Variants in CFAP46 observed in about 807,000 individuals in gnomAD.
The protein encoded by CFAP46 is cilia- and flagella-associated protein 46.
In CFAP46, 245 loss-of-function variants were observed where a neutral mutation model predicts 325.7. The observed-to-expected ratio is 0.75, with a 90% confidence interval of 0.68 to 0.84. CFAP46 has a LOEUF of 0.84. Among genes scored for constraint, CFAP46 ranks in the 40% least tolerant of loss-of-function variants. CFAP46 has a pLI of 0.00. For missense variants in CFAP46, 3,346 were observed against 3,543.0 expected (o/e 0.94, Z 1.41); for synonymous variants, 1,523 against 1,495.9 (o/e 1.02, Z -0.42).
At position 132,929,437 on chromosome 10, in the gene CFAP46, G is replaced by A. The variant is rs547496534; in HGVS notation, c.966+268C>T. On this transcript the variant is annotated intron_variant, in intron 9 of 57. Coordinates refer to ENST00000368586, the MANE Select transcript of CFAP46 (RefSeq NM_001200049.3). ...CATCAGCATCATGAAATTTTACGCC[G>A]TCCGTAAATTGGACTCTAGAAACAA... is the stretch of plus-strand genomic sequence containing the variant. The A allele has an allele frequency of 3.5e-5, 25 of 706,048 alleles. 1 individual carries two copies. The highest frequency in any genetic ancestry group is 8.1e-5 in the Admixed American group (4 of 49,668). The allele number at this position is 706,048 out of a possible 1,614,324, so 43.7% of individuals were successfully genotyped here.
chr10:132,910,217 T>C (rs1303357658), intron 19 of CFAP46, 149 bp from the exon 20 acceptor site: 24 of 696,186 alleles, frequency 3.4e-5, no homozygotes, highest in Admixed American at 1.3e-4. Context: ...CACCAGCGGC[T>C]GCACCACAAA....
In CFAP46 at chr10:132,858,413, C is replaced by T. The variant is rs543593105; in HGVS notation, c.5376-625G>A. Reference sequence around the variant, plus strand: ...GGGTGGCCCCAGGTTGGAGGCAGGGCGGTGGGCGGGGCCAGGGAGGCTTTG... The same window carrying T: ...GGGTGGCCCCAGGTTGGAGGCAGGGTGGTGGGCGGGGCCAGGGAGGCTTTG... On this transcript the variant is annotated intron_variant, in intron 38 of 57. Transcript: ENST00000368586. 3.8e-3 allele frequency among the ~76,000 whole-genome samples: 387 copies of T among 102,542 alleles called. 2 individuals are homozygous for T. The highest frequency in any genetic ancestry group is 6.3e-3 in the Non-Finnish European group (320 of 50,604). 67.3% of individuals were successfully genotyped at this position (102,542 alleles called of 152,430 possible).
intron 7 of CFAP46, among the ~76,000 whole-genome samples, chr10:132,936,679 C>CACTCCCCTCGG (rs1850013407): frequency 6.6e-6 from 1 of 152,068 alleles, no homozygotes; most frequent in African/African-American, 2.4e-5. Context: ...ATGATCTCCT[C>CACTCCCCTCGG]CTACAGGCTC....
rs2135109043 is a variant in CFAP46 at position 132,847,379 on chromosome 10, G to A, written c.5953-58C>T. 6.3e-7 allele frequency: 1 copy of A among 1,599,776 alleles called. No homozygotes were observed. The highest frequency in any genetic ancestry group is 8.5e-7 in the Non-Finnish European group (1 of 1,171,042). On this transcript the variant is annotated intron_variant, in intron 41 of 57. Transcript: ENST00000368586. This position sits in a 1 kb window ranked among gnomAD's most constrained non-coding sequence, Gnocchi z 5.2. Reference sequence around the variant, plus strand: ...CTGGGTTCCTGCTTGGTCGGCGTGGGGAGGGCCCACCCAGGGAGGCCGGGG... The same window carrying A: ...CTGGGTTCCTGCTTGGTCGGCGTGGAGAGGGCCCACCCAGGGAGGCCGGGG...
At chr10:132,810,331 T>G in intron 57 of CFAP46, 78 bp downstream of exon 57, 1 of 1,189,592 alleles carries the variant, frequency 8.4e-7, no homozygotes, top group Non-Finnish European at 1.3e-6. Flanking sequence ...CCTGCAGGGC[T>G]GTGCAGTGCA....
chr10:132,937,869 G>A (rs1850033621), intron 5 of CFAP46, among the ~76,000 whole-genome samples, 194 bp from the exon 6 acceptor site: 2 of 152,204 alleles, frequency 1.3e-5, no homozygotes, highest in South Asian at 2.1e-4. Context: ...GCTCGTTACC[G>A]CTAGCACCGG....
At chr10:132,834,822 G>A (rs775645358) in intron 47 of CFAP46, 47 bp from the exon 48 acceptor site, 43 of 1,585,480 alleles carry the variant, frequency 2.7e-5, no homozygotes, top group Non-Finnish European at 3.6e-5. Flanking sequence ...AGGGCGCATG[G>A]CCCAGACCCC....
chr10:132,814,550 G>A (rs1225528613), intron 53 of CFAP46, 27 bp downstream of exon 53: 2 of 1,553,150 alleles, frequency 1.3e-6, no homozygotes, highest in Non-Finnish European at 1.7e-6. Flanking sequence ...GCGTGTGCCT[G>A]AACAGGGAGC....
intron 23 of CFAP46, 95 bp from the exon 24 acceptor site, chr10:132,899,216 A>G (rs962036228): frequency 8.2e-6 from 11 of 1,338,766 alleles, no homozygotes; most frequent in Non-Finnish European, 1.1e-5. Context: ...CCCAGGGCCC[A>G]GCCACACGCT....
In CFAP46 at chr10:132,892,332, C is replaced by T. The variant is rs748891572; in HGVS notation, c.3304+1G>A. 2 of 1,550,736 alleles carry T rather than the reference C, an allele frequency of 1.3e-6. No homozygotes were observed. Among genetic ancestry groups the T allele is most frequent in the Non-Finnish European group, 1.7e-6 (2 of 1,147,048 alleles). ...GTGGGTCTGTCTGTCCTGCTACAAA[C>T]CTGGAAGAAAATATCCTTCGGTCGT... On this transcript the variant is annotated splice_donor_variant, in intron 25 of 57. Coordinates refer to ENST00000368586, the MANE Select transcript of CFAP46 (RefSeq NM_001200049.3). LOFTEE classifies it high-confidence loss of function.
At position 132,919,621 on chromosome 10, in the gene CFAP46, C is replaced by T. The variant is rs1849690774; in HGVS notation, c.1731-179G>A. On this transcript the variant is annotated intron_variant, in intron 14 of 57. Transcript: ENST00000368586. This position sits in a 1 kb window ranked among gnomAD's most constrained non-coding sequence, Gnocchi z 9.7. The stretch of plus-strand genomic sequence containing the variant: ...GGCGGGTGCATGTCCCAGGGTCGGG[C>T]GCAGCTCTCCGCTCTCCCTGCCAGC... 1.3e-5 allele frequency among the ~76,000 whole-genome samples: 2 copies of T among 152,036 alleles called. No individual in the cohort carries two copies. Among genetic ancestry groups the T allele is most frequent in the Non-Finnish European group, 2.9e-5 (2 of 67,972 alleles).
intron 22 of CFAP46, among the ~76,000 whole-genome samples, chr10:132,905,170 C>G (rs1238753058): frequency 6.6e-6 from 1 of 151,554 alleles, no homozygotes; most frequent in African/African-American, 2.4e-5. Context: ...CTTTCTTTGT[C>G]AACAAGTTAA....
rs1253617404 is a variant in CFAP46 at position 132,832,388 on chromosome 10, G to A, written c.7117+970C>T. ...TTGCGGAGACCCCTGGGCTCTTCCT[G>A]CCCCCCCCCCCCAATGCTGTGGCCT... is the stretch of plus-strand genomic sequence containing the variant. On this transcript the variant is annotated intron_variant, in intron 50 of 57. Transcript: ENST00000368586. The surrounding 1 kb of genome is among the most constrained non-coding windows in gnomAD (Gnocchi z 4.1). Among the ~76,000 whole-genome samples the A allele has an allele frequency of 2.8e-5, 3 of 106,046 alleles. No homozygotes were observed. The highest frequency in any genetic ancestry group is 9.6e-5 in the Admixed American group (1 of 10,444). 69.6% of individuals were successfully genotyped at this position (106,046 alleles called of 152,430 possible). A position where few individuals can be genotyped will look rare whatever the true frequency, so the allele number is the denominator to read the frequency against.
In CFAP46 at chr10:132,879,633, T is replaced by A; in HGVS notation, c.3800-2A>T. The A allele has an allele frequency of 6.6e-7, 1 of 1,513,704 alleles. No homozygotes were observed. The highest frequency in any genetic ancestry group is 8.8e-7 in the Non-Finnish European group (1 of 1,130,330). 93.8% of individuals were successfully genotyped at this position (1,513,704 alleles called of 1,614,324 possible). A position where few individuals can be genotyped will look rare whatever the true frequency, so the allele number is the denominator to read the frequency against. On this transcript the variant is annotated splice_acceptor_variant, in intron 28 of 57. Transcript: ENST00000368586. LOFTEE classifies it high-confidence loss of function. Reference sequence around the variant, plus strand: ...GCATCTCCACAGCCACGTACTCCCCTGAAACACGGGGTGCCCGAGGCTGAG... The same window carrying A: ...GCATCTCCACAGCCACGTACTCCCCAGAAACACGGGGTGCCCGAGGCTGAG...
chr10:132,935,620 C>CAT (rs1849986932), intron 7 of CFAP46, among the ~76,000 whole-genome samples: 11 of 129,942 alleles, frequency 8.5e-5, no homozygotes, highest in African/African-American at 1.5e-4. Flanking sequence ...CCCCTCGGCA[C>CAT]CCAAACACAC....
chr10:132,815,038 G>C, intron 50 of CFAP46, 124 bp from the exon 51 acceptor site: 1 of 885,214 alleles, frequency 1.1e-6, no homozygotes, highest in Non-Finnish European at 1.8e-6. Context: ...CAAGTTGTGA[G>C]AACAAGCGGT....
Position 132,814,860 on chromosome 10 carries a change from G to A in CFAP46, c.7172C>T (p.Ala2391Val), listed in dbSNP as rs140799172. The A allele has an allele frequency of 1.9e-5, 31 of 1,614,016 alleles. No homozygotes were observed. The highest frequency in any genetic ancestry group is 2.2e-5 in the East Asian group (1 of 44,884). The change falls in exon 51 of 58, where the codon GCG (alanine) becomes GTG (valine). Residue 2391 changes from alanine to valine, a missense_variant. Coordinates refer to ENST00000368586, the MANE Select transcript of CFAP46 (RefSeq NM_001200049.3). The part of the protein sequence containing the change: ...RSRDPKKRSL[A>V]KKGRKGSIPR... ...CCCACCCACCTTCCTGCCCTTCTTC[G>A]CTAGGCTTCTCTTTTTGGGGTCTCT...
intron 39 of CFAP46, among the ~76,000 whole-genome samples, chr10:132,856,466 T>C (rs1848644066): frequency 6.6e-6 from 1 of 152,232 alleles, no homozygotes; most frequent in Non-Finnish European, 1.5e-5. Flanking sequence ...ATTACACCTA[T>C]ATTCGTGCAC....
chr10:132,902,497 G>T (rs182978557), intron 22 of CFAP46, among the ~76,000 whole-genome samples: 1 of 152,014 alleles, frequency 6.6e-6, no homozygotes, highest in African/African-American at 2.4e-5. Context: ...TTTTATTATC[G>T]GTTCCATTCT....
Sources: allele counts gnomAD v4.1 joint callset (sites outside exome capture counted in the v4.1 genomes callset), GRCh38; gene constraint gnomAD v4.1.1; non-coding constraint Gnocchi (gnomAD v3.1); transcripts MANE v1.5; gene names NCBI Gene and HGNC (gene_info 2026-07-23, HGNC 2026-07-21).